NRG3: variants seen among roughly 807,000 people sequenced by gnomAD.
The protein encoded by NRG3 is neuregulin 3.
Under a neutral mutation model 66.9 loss-of-function variants are expected in NRG3, and 31 were observed. That is an observed-to-expected ratio of 0.46 (90% CI 0.35 to 0.63). The LOEUF (loss-of-function observed/expected upper bound fraction) is 0.63. NRG3 is among the 20% of genes least tolerant of loss of function. The pLI, the probability that NRG3 is intolerant of heterozygous loss-of-function variation, is 0.00. For missense variants in NRG3, 910 were observed against 878.9 expected (o/e 1.04, Z -0.45); for synonymous variants, 393 against 359.4 (o/e 1.09, Z -1.06).
rs560592120 is a variant in NRG3 at position 82,900,666 on chromosome 10, C to T, written c.1054+35229C>T. On this transcript the variant is annotated intron_variant, in intron 4 of 8. Coordinates refer to ENST00000372141, the MANE Select transcript of NRG3 (RefSeq NM_001010848.4). ...TTTCATTTTTTAAAATCACAGTGGC[C>T]TTATAGGGTTGGTATAATGATCCCC... is the stretch of plus-strand genomic sequence containing the variant. Among the ~76,000 whole-genome samples the T allele has an allele frequency of 7.2e-5, 11 of 152,116 alleles. No individual in the cohort carries two copies. In the South Asian group the frequency reaches 1.9e-3, roughly 26 times the overall value.
intron 1 of NRG3, among the ~76,000 whole-genome samples, chr10:81,967,273 GT>G (rs1194875672): frequency 6.6e-6 from 1 of 151,604 alleles, no homozygotes; most frequent in African/African-American, 2.4e-5. Flanking sequence ...TTTAATCCAA[GT>G]TTTTAACAGA....
chr10:82,942,359 A>G (rs1848651175), intron 4 of NRG3, among the ~76,000 whole-genome samples: 1 of 152,198 alleles, frequency 6.6e-6, no homozygotes, highest in South Asian at 2.1e-4. Flanking sequence ...ACAAGTTTCT[A>G]TGGAGAGACT....
In NRG3 at chr10:81,876,043, C is replaced by T. The variant is rs965809850; in HGVS notation, c.703C>T (p.Leu235Phe). ...PTAAYATSSYLHDSTPSWTLS... is the reference protein window; with the variant it reads ...PTAAYATSSYFHDSTPSWTLS... ...TGCGGCATACGCTACCTCCTCCTAC[C>T]TTCACGATTCTACTCCCTCCTGGAC... Residue 235 changes from leucine to phenylalanine, a missense_variant, in exon 1 of 9, where the codon CTT becomes TTT. Transcript: ENST00000372141. The T allele has an allele frequency of 1.9e-6, 3 of 1,613,986 alleles. No homozygotes were observed. Among genetic ancestry groups the T allele is most frequent in the South Asian group, 1.1e-5 (1 of 91,088 alleles).
At chr10:82,790,562 G>T (rs1240626426) in intron 3 of NRG3, among the ~76,000 whole-genome samples, 2 of 151,858 alleles carry the variant, frequency 1.3e-5, no homozygotes, top group East Asian at 3.9e-4. Flanking sequence ...ATGTCTTTTA[G>T]TTTATCTTAC....
intron 2 of NRG3, among the ~76,000 whole-genome samples, chr10:82,362,567 T>TTTTTTTTTTTGG: frequency 6.7e-6 from 1 of 148,332 alleles, no homozygotes; most frequent in African/African-American, 2.5e-5. Flanking sequence ...TTTTTTTTTT[T>TTTTTTTTTTTGG]TTCGTAGAAA....
chr10:82,282,249 C>CATTTATTT lies in NRG3; in HGVS notation c.824-76454_824-76447dup, dbSNP rs5786542. Among the ~76,000 whole-genome samples the CATTTATTT allele has an allele frequency of 1.6e-3, 236 of 148,544 alleles. 1 individual carries two copies. Among genetic ancestry groups the CATTTATTT allele is most frequent in the Middle Eastern group, 3.5e-3 (1 of 288 alleles). On this transcript the variant is annotated intron_variant, in intron 1 of 8. Coordinates refer to ENST00000372141, the MANE Select transcript of NRG3 (RefSeq NM_001010848.4). The stretch of plus-strand genomic sequence containing the variant: ...AAACATTTTAATTTTGAAAACATTA[C>CATTTATTT]ATTTATTTATTTATTTATTTATTTA...
At chr10:81,963,302 T>G (rs2059599232) in intron 1 of NRG3, among the ~76,000 whole-genome samples, 1 of 150,236 alleles carries the variant, frequency 6.7e-6, no homozygotes, top group South Asian at 2.1e-4. Context: ...CCCGGCTAAT[T>G]TTTTGTATTT....
chr10:82,102,757 G>T (rs2066836572), intron 1 of NRG3, among the ~76,000 whole-genome samples: 2 of 151,626 alleles, frequency 1.3e-5, no homozygotes, highest in African/African-American at 4.8e-5. Flanking sequence ...AACAAAATCG[G>T]GATGCCTTCC....
At chr10:82,698,080 T>C (rs1414188528) in intron 2 of NRG3, among the ~76,000 whole-genome samples, 6 of 152,286 alleles carry the variant, frequency 3.9e-5, no homozygotes, top group Admixed American at 3.9e-4. Context: ...TTTAAAAATA[T>C]TATCTAATAA....
chr10:82,062,307 T>G (rs1033111241), intron 1 of NRG3, among the ~76,000 whole-genome samples: 2 of 151,756 alleles, frequency 1.3e-5, no homozygotes, highest in African/African-American at 2.4e-5. Context: ...CAAATAGAAG[T>G]TCTAAGAATT....
intron 1 of NRG3, among the ~76,000 whole-genome samples, chr10:82,202,332 A>T (rs1347061996): frequency 1.3e-5 from 2 of 152,166 alleles, no homozygotes; most frequent in Non-Finnish European, 2.9e-5. Flanking sequence ...GTACATAGTT[A>T]TTCCAGATCA....
At chr10:82,754,951 T>C (rs1346061278) in intron 3 of NRG3, among the ~76,000 whole-genome samples, 1 of 152,134 alleles carries the variant, frequency 6.6e-6, no homozygotes. Flanking sequence ...ATTGAGTGTC[T>C]CAAGATCTAG....
chr10:82,236,406 G>A (rs2076753600), intron 1 of NRG3, among the ~76,000 whole-genome samples: 1 of 152,116 alleles, frequency 6.6e-6, no homozygotes, highest in South Asian at 2.1e-4. Flanking sequence ...AGTCTCCAGG[G>A]GTGTGAAAGC....
At chr10:82,098,313 T>C (rs1046615116) in intron 1 of NRG3, among the ~76,000 whole-genome samples, 1 of 150,926 alleles carries the variant, frequency 6.6e-6, no homozygotes, top group Non-Finnish European at 1.5e-5. Context: ...TATATAGATA[T>C]AGATGTCATC....
chr10:82,352,345 T>A (rs991162034), intron 1 of NRG3, among the ~76,000 whole-genome samples: 3 of 151,948 alleles, frequency 2.0e-5, no homozygotes, highest in African/African-American at 7.2e-5. Flanking sequence ...AGGGTGAGGC[T>A]CATTTTTGTT....
chr10:82,425,171 G>T (rs970893976), intron 2 of NRG3, among the ~76,000 whole-genome samples: 6 of 151,940 alleles, frequency 3.9e-5, no homozygotes, highest in African/African-American at 1.4e-4. Context: ...TTTCAATTTT[G>T]GCAAAAAGGC....
Position 82,506,222 on chromosome 10 carries a change from T to C in NRG3, c.953+147354T>C, listed in dbSNP as rs539177572. Among the ~76,000 whole-genome samples, 151 of 152,302 alleles carry C rather than the reference T, an allele frequency of 9.9e-4. 1 individual carries two copies. Among genetic ancestry groups the C allele is most frequent in the African/African-American group, 3.3e-3 (138 of 41,560 alleles). On this transcript the variant is annotated intron_variant, in intron 2 of 8. Transcript: ENST00000372141. Reference sequence around the variant, plus strand: ...GAGATTGCGCCACTGCACTCCAGCCTAAGCCATAGAGCGAGACTCTGTCTC... The same window carrying C: ...GAGATTGCGCCACTGCACTCCAGCCCAAGCCATAGAGCGAGACTCTGTCTC...
chr10:82,323,142 A>G (rs1391740983), intron 1 of NRG3, among the ~76,000 whole-genome samples: 1 of 152,226 alleles, frequency 6.6e-6, no homozygotes, highest in Non-Finnish European at 1.5e-5. Flanking sequence ...CTAAATTATG[A>G]CAGTGTTGCT....
At chr10:82,654,311 AG>A (rs1311175195) in intron 2 of NRG3, among the ~76,000 whole-genome samples, 1 of 152,102 alleles carries the variant, frequency 6.6e-6, no homozygotes. Flanking sequence ...TAAAATAAAG[AG>A]GGTTGTGTGC....
Sources: gnomAD v4.1 joint callset for allele counts (sites outside exome capture counted in the v4.1 genomes callset) on GRCh38, gnomAD v4.1.1 for gene constraint, MANE v1.5 for transcripts, NCBI Gene and HGNC (gene_info 2026-07-23, HGNC 2026-07-21) for gene names.